TRPC6: variants seen among roughly 807,000 people sequenced by gnomAD.
TRPC6 encodes transient receptor potential cation channel subfamily C member 6.
In TRPC6, 55 loss-of-function variants were observed where a neutral mutation model predicts 90.7. The ratio of observed to expected loss-of-function variants is 0.61; its 90% CI spans 0.49 to 0.76. The LOEUF (loss-of-function observed/expected upper bound fraction) is 0.76, where lower values mean the gene tolerates loss of function less well. Among genes scored for constraint, TRPC6 ranks in the 30% least tolerant of loss-of-function variants. The probability of loss-of-function intolerance (pLI) is 0.00; values close to 1 mark genes in which losing one functional copy is unlikely to be tolerated. For synonymous variants in TRPC6, 393 were observed against 393.0 expected, an observed-to-expected ratio of 1.00 and a Z score of 0.00; for missense variants, 989 against 1,122.7, an observed-to-expected ratio of 0.88 and a Z score of 1.70.
intron 5 of TRPC6, among the ~76,000 whole-genome samples, chr11:101,478,732 TA>T (rs949785178): frequency 6.6e-6 from 1 of 152,152 alleles, no homozygotes; most frequent in African/African-American, 2.4e-5. Context: ...GATCTTGCGA[TA>T]AGGTGCTTAA....
intron 2 of TRPC6, among the ~76,000 whole-genome samples, chr11:101,498,155 G>GT (rs1859998141): frequency 6.6e-6 from 1 of 152,144 alleles, no homozygotes. Flanking sequence ...AGTTTTTGCT[G>GT]TCCTTCTTTG....
intron 1 of TRPC6, among the ~76,000 whole-genome samples, chr11:101,566,547 C>G (rs1253739034): frequency 6.6e-6 from 1 of 152,090 alleles, no homozygotes; most frequent in Non-Finnish European, 1.5e-5. Flanking sequence ...TTTTAGAGAT[C>G]AAGAATATAT....
At chr11:101,515,942 T>G (rs2136766508) in intron 1 of TRPC6, among the ~76,000 whole-genome samples, 1 of 152,210 alleles carries the variant, frequency 6.6e-6, no homozygotes, top group African/African-American at 2.4e-5. Flanking sequence ...ACCAAATAAC[T>G]TTATAGGTGT....
chr11:101,485,138 C>T (rs1859646166), intron 4 of TRPC6, among the ~76,000 whole-genome samples: 1 of 151,788 alleles, frequency 6.6e-6, no homozygotes, highest in South Asian at 2.1e-4. Context: ...CACACACACA[C>T]ACACACACAC....
chr11:101,505,519 C>T (rs1209670247), intron 1 of TRPC6, among the ~76,000 whole-genome samples: 2 of 152,152 alleles, frequency 1.3e-5, no homozygotes, highest in Non-Finnish European at 2.9e-5. Context: ...AGAAAGTTTT[C>T]TCTAGCAGAG....
At position 101,467,187 on chromosome 11, in the gene TRPC6, A is replaced by C. The variant is rs563710305; in HGVS notation, c.2484+2240T>G. On this transcript the variant is annotated intron_variant, in intron 10 of 12. Coordinates refer to ENST00000344327, the MANE Select transcript of TRPC6 (RefSeq NM_004621.6). ...CAGCAATCCTGTTTTTGTTTCTTCC[A>C]CTCACTACTTCATTTATTTCAAGTT... Among the ~76,000 whole-genome samples, 6 of 151,690 alleles carry C rather than the reference A, an allele frequency of 4.0e-5. No homozygotes were observed. The East Asian group carries it at 1.2e-3, about 30-fold the overall frequency.
intron 5 of TRPC6, among the ~76,000 whole-genome samples, chr11:101,478,854 C>T (rs923124490): frequency 1.3e-5 from 2 of 152,172 alleles, no homozygotes; most frequent in African/African-American, 4.8e-5. Context: ...AGTCAGCTCC[C>T]TCTGCCTTCA....
chr11:101,468,875 A>G (rs928870371), intron 10 of TRPC6, among the ~76,000 whole-genome samples: 1 of 152,144 alleles, frequency 6.6e-6, no homozygotes, highest in Admixed American at 6.5e-5. Flanking sequence ...AGCAACAAGC[A>G]TTTATTGTGG....
At chr11:101,457,712 C>T (rs1858916779) in intron 10 of TRPC6, among the ~76,000 whole-genome samples, 1 of 152,164 alleles carries the variant, frequency 6.6e-6, no homozygotes. Context: ...TGAGGCAAAT[C>T]ATTTCACCTC....
intron 1 of TRPC6, among the ~76,000 whole-genome samples, chr11:101,512,236 C>T (rs7925012): frequency 0.49 from 74,417 of 151,940 alleles, 18,629 homozygotes; most frequent in African/African-American, 0.55. Flanking sequence ...ATCAGTCACA[C>T]TACATCACAC....
chr11:101,501,377 TA>T (rs1403907844), intron 2 of TRPC6, among the ~76,000 whole-genome samples: 6 of 152,190 alleles, frequency 3.9e-5, no homozygotes, highest in African/African-American at 9.6e-5. Context: ...ATTTTTATAT[TA>T]TTTTTTTCTA....
chr11:101,526,511 CTTTA>C (rs1860782694), intron 1 of TRPC6, among the ~76,000 whole-genome samples: 2 of 152,098 alleles, frequency 1.3e-5, no homozygotes, highest in Admixed American at 1.3e-4. Flanking sequence ...TAAACTTTCT[CTTTA>C]TTTGTGTATA....
intron 1 of TRPC6, among the ~76,000 whole-genome samples, chr11:101,533,071 A>T (rs12577149): frequency 0.18 from 27,264 of 152,060 alleles, 2,847 homozygotes; most frequent in Admixed American, 0.25. Context: ...GAAAAATGGG[A>T]TTGAGAATAT....
At chr11:101,523,250 T>C (rs2136782225) in intron 1 of TRPC6, among the ~76,000 whole-genome samples, 1 of 152,306 alleles carries the variant, frequency 6.6e-6, no homozygotes, top group African/African-American at 2.4e-5. Context: ...TGTCTTTACT[T>C]GTCCCAAAAC....
At chr11:101,508,531 C>T (rs1216547387) in intron 1 of TRPC6, among the ~76,000 whole-genome samples, 2 of 152,140 alleles carry the variant, frequency 1.3e-5, no homozygotes, top group Non-Finnish European at 2.9e-5. Context: ...CTTCCCTTCT[C>T]TCTGTCACTT....
At chr11:101,541,895 C>G (rs750257490) in intron 1 of TRPC6, among the ~76,000 whole-genome samples, 1 of 152,148 alleles carries the variant, frequency 6.6e-6, no homozygotes, top group Non-Finnish European at 1.5e-5. Context: ...AGCAGAGAGC[C>G]TCCAACCAAG....
Position 101,524,896 on chromosome 11 carries a change from T to C in TRPC6, c.171-20098A>G, listed in dbSNP as rs146372964. Among the ~76,000 whole-genome samples the C allele has an allele frequency of 2.3e-4, 35 of 152,366 alleles. No individual in the cohort carries two copies. In the East Asian group the frequency reaches 6.0e-3, roughly 26 times the overall value. On this transcript the variant is annotated intron_variant, in intron 1 of 12. Coordinates refer to ENST00000344327, the MANE Select transcript of TRPC6 (RefSeq NM_004621.6). The stretch of plus-strand genomic sequence containing the variant: ...TTATAAATAATACATTTTTCCTTGA[T>C]ACAAAATGTAATGCTGCTTCAATTC...
intron 1 of TRPC6, among the ~76,000 whole-genome samples, chr11:101,559,903 C>A (rs920318519): frequency 6.7e-6 from 1 of 150,206 alleles, no homozygotes; most frequent in Middle Eastern, 3.4e-3. Context: ...TTTGTCCTTG[C>A]GATAGTTTGC....
intron 2 of TRPC6, among the ~76,000 whole-genome samples, chr11:101,501,916 G>T (rs150804369): frequency 0.011 from 1,641 of 152,200 alleles, 24 homozygotes; most frequent in African/African-American, 0.037. Flanking sequence ...AAAGACATTA[G>T]TAACATACTC....
Sources: gnomAD v4.1 joint callset for allele counts (sites outside exome capture counted in the v4.1 genomes callset) on GRCh38, gnomAD v4.1.1 for gene constraint, MANE v1.5 for transcripts, NCBI Gene and HGNC (gene_info 2026-07-23, HGNC 2026-07-21) for gene names.